PIN4: variants seen among roughly 807,000 people sequenced by gnomAD.
PIN4 encodes the protein peptidyl-prolyl cis-trans isomerase NIMA-interacting 4.
In PIN4, 3 loss-of-function variants were observed where a neutral mutation model predicts 8.3. That is an observed-to-expected ratio of 0.36 (90% CI 0.16 to 0.93). PIN4 has a LOEUF of 0.93. PIN4 is among the 40% of genes least tolerant of loss of function. The pLI is 0.44. For missense variants in PIN4, 75 were observed against 100.6 expected, an observed-to-expected ratio of 0.75 and a Z score of 1.09; for synonymous variants, 18 against 32.5, an observed-to-expected ratio of 0.55 and a Z score of 1.52.
At chrX:72,181,715 C>G, upstream of PIN4, 1 of 1,075,586 alleles carries the variant, frequency 9.3e-7, no homozygotes, top group African/African-American at 1.8e-5. Context: ...TAGGACATGC[C>G]CATGGCGGGG....
chrX:72,221,160 G>T (rs2042920795), intron 3 of PIN4, among the ~76,000 whole-genome samples: 1 of 111,584 alleles, frequency 9.0e-6, no homozygotes, highest in South Asian at 3.7e-4. Context: ...TGGGTATTTT[G>T]CCCTCTCCCC....
At chrX:72,234,481 A>G (rs2043005133) in intron 3 of PIN4, among the ~76,000 whole-genome samples, 1 of 112,438 alleles carries the variant, frequency 8.9e-6, no homozygotes, top group South Asian at 3.6e-4. Context: ...GGAGAAAAGA[A>G]ATAGGAAATG....
intron 3 of PIN4, among the ~76,000 whole-genome samples, chrX:72,237,082 T>C (rs1439678587): frequency 1.8e-5 from 2 of 112,490 alleles, no homozygotes; most frequent in African/African-American, 6.5e-5. Context: ...CAATTTTAAA[T>C]ACACATTCCC....
chrX:72,239,015 C>T, intron 3 of PIN4: 1 of 821,663 alleles, frequency 1.2e-6, no homozygotes, highest in Non-Finnish European at 1.7e-6. Flanking sequence ...TCGCTCACTC[C>T]CGCCCCGCGC....
chrX:72,197,014 G>T, intron 3 of PIN4, 110 bp downstream of exon 3: 1 of 687,259 alleles, frequency 1.5e-6, no homozygotes, highest in East Asian at 3.5e-5. Flanking sequence ...AAGAAACACA[G>T]AAGTAGGGAT....
chrX:72,256,706 TTGG>T (rs1322537854), intron 3 of PIN4, among the ~76,000 whole-genome samples: 1 of 110,484 alleles, frequency 9.1e-6, no homozygotes, highest in East Asian at 2.8e-4. Context: ...ATAGCAAGTG[TTGG>T]TGGAGTAGGT....
At chrX:72,251,387 G>A (rs1480817782) in intron 3 of PIN4, among the ~76,000 whole-genome samples, 2 of 80,561 alleles carry the variant, frequency 2.5e-5, no homozygotes, top group African/African-American at 1.2e-4. Flanking sequence ...ATGTGTGAGT[G>A]TATCTGTAGA....
intron 2 of PIN4, among the ~76,000 whole-genome samples, chrX:72,188,513 G>A (rs1377551607): frequency 1.8e-5 from 2 of 110,433 alleles, no homozygotes; most frequent in African/African-American, 6.6e-5. Flanking sequence ...GCCCGCCACC[G>A]CGCCCAGCTA....
At chrX:72,250,733 A>T (rs2147615540) in intron 3 of PIN4, among the ~76,000 whole-genome samples, 1 of 91,417 alleles carries the variant, frequency 1.1e-5, no homozygotes, top group East Asian at 4.7e-4. Flanking sequence ...ATTCTGGTAT[A>T]TGGTTTTTTT....
chrX:72,220,892 C>T (rs376583334), intron 3 of PIN4, among the ~76,000 whole-genome samples: 15 of 111,785 alleles, frequency 1.3e-4, no homozygotes, highest in African/African-American at 3.9e-4. Flanking sequence ...TATTTGGTGC[C>T]GAAATCTGGA....
intron 2 of PIN4, among the ~76,000 whole-genome samples, chrX:72,187,460 G>A (rs762411602): frequency 9.0e-6 from 1 of 111,661 alleles, no homozygotes; most frequent in Admixed American, 9.6e-5. Context: ...GCCAAGCAAT[G>A]TATTAGGCTC....
chrX:72,240,757 G>GCA (rs2043045888), intron 3 of PIN4, among the ~76,000 whole-genome samples: 1 of 104,563 alleles, frequency 9.6e-6, no homozygotes, highest in Admixed American at 1.0e-4. Context: ...CTGAGATCGT[G>GCA]CCATTGCACT....
At chrX:72,184,504 C>G (rs1207659219) in intron 1 of PIN4, among the ~76,000 whole-genome samples, 1 of 110,664 alleles carries the variant, frequency 9.0e-6, no homozygotes. Flanking sequence ...TGAGGTCACT[C>G]AAGGTAATGG....
chrX:72,262,057 C>G (rs945452333), intron 3 of PIN4, among the ~76,000 whole-genome samples: 4 of 111,435 alleles, frequency 3.6e-5, no homozygotes, highest in South Asian at 3.9e-4. Flanking sequence ...GACCCTCCCC[C>G]CAAGACCTGT....
At chrX:72,226,664 G>A (rs1017810430) in intron 3 of PIN4, among the ~76,000 whole-genome samples, 4 of 111,049 alleles carry the variant, frequency 3.6e-5, no homozygotes, top group East Asian at 5.6e-4. Flanking sequence ...ATAGGAAACC[G>A]TGAGGCTGAG....
chrX:72,185,075 C>T, intron 1 of PIN4, among the ~76,000 whole-genome samples: 1 of 90,976 alleles, frequency 1.1e-5, no homozygotes, highest in Non-Finnish European at 2.1e-5. Flanking sequence ...ACCCGGGAGG[C>T]GGAGCTTGCA....
chrX:72,198,428 C>A, downstream of PIN4: 2 of 459,228 alleles, frequency 4.4e-6, no homozygotes, highest in Non-Finnish European at 5.4e-6. Context: ...ATAATGGGAA[C>A]TTTACCTAGA....
In PIN4 at chrX:72,216,507, A is replaced by G. The variant is rs150152782; in HGVS notation, c.312+19603A>G. On this transcript the variant is annotated intron_variant, in intron 3 of 3. Transcript: ENST00000423432. ...GGCATTGATTACATTCACAACGTGT[A>G]ATCATCACCACTATCCTTCTCATGA... 3.0e-3 allele frequency among the ~76,000 whole-genome samples: 340 copies of G among 112,072 alleles called. 2 individuals carry two copies. The highest frequency in any genetic ancestry group is 0.01 in the African/African-American group (318 of 30,882).
intron 3 of PIN4, among the ~76,000 whole-genome samples, chrX:72,241,087 T>C (rs756788317): frequency 3.6e-5 from 4 of 110,894 alleles, no homozygotes; most frequent in Non-Finnish European, 7.6e-5. Context: ...ATGAGGTTGA[T>C]GAGGCAGTTG....
Sources: allele counts gnomAD v4.1 joint callset (sites outside exome capture counted in the v4.1 genomes callset), GRCh38; gene constraint gnomAD v4.1.1; transcripts MANE v1.5; gene names NCBI Gene and HGNC (gene_info 2026-07-23, HGNC 2026-07-21).